Variants in TENM2 observed in about 807,000 individuals in gnomAD.
TENM2 encodes the protein teneurin-2.
A neutral mutation model predicts 245.2 loss-of-function variants in TENM2; 52 were observed. That is an observed-to-expected ratio of 0.21 (90% CI 0.17 to 0.27). TENM2 has a LOEUF of 0.27. Among genes scored for constraint, TENM2 ranks in the 10% least tolerant of loss-of-function variants. The pLI is 1.00. For synonymous variants in TENM2, 1,363 were observed against 1,438.9 expected, an observed-to-expected ratio of 0.95 and a Z score of 1.19; for missense variants, 3,046 against 3,666.8, an observed-to-expected ratio of 0.83 and a Z score of 4.37.
chr5:167,840,325 A>T (rs550734127), intron 2 of TENM2, among the ~76,000 whole-genome samples: 1 of 152,232 alleles, frequency 6.6e-6, no homozygotes, highest in Admixed American at 6.5e-5. Flanking sequence ...ATCCAACTCT[A>T]CAGTGTGACA....
intron 13 of TENM2, among the ~76,000 whole-genome samples, chr5:168,188,403 G>A (rs888698747): frequency 4.6e-5 from 7 of 152,088 alleles, no homozygotes; most frequent in African/African-American, 7.2e-5. Context: ...TATTCAATCC[G>A]CTCCCAGCCG....
chr5:167,997,129 C>T (rs1469287221), intron 5 of TENM2, among the ~76,000 whole-genome samples: 2 of 152,182 alleles, frequency 1.3e-5, no homozygotes, highest in Non-Finnish European at 2.9e-5. Flanking sequence ...CTGCATATTA[C>T]AATCATTTGA....
the TENM2 span, among the ~76,000 whole-genome samples, chr5:167,212,568 A>T: frequency 6.6e-6 from 1 of 152,220 alleles, no homozygotes; most frequent in East Asian, 1.9e-4. Flanking sequence ...GCAAAGTGGT[A>T]GCTGGCCTCT....
At chr5:167,545,017 C>T (rs1772462936) in intron 2 of TENM2, among the ~76,000 whole-genome samples, 1 of 152,032 alleles carries the variant, frequency 6.6e-6, no homozygotes, top group African/African-American at 2.4e-5. Context: ...TGACCCTTTT[C>T]AAGTCATTGA....
intron 1 of TENM2, among the ~76,000 whole-genome samples, chr5:167,354,928 C>T (rs573362413): frequency 6.6e-5 from 10 of 152,256 alleles, no homozygotes; most frequent in African/African-American, 2.4e-4. Context: ...CACATATTTG[C>T]CATTGAGTAC....
At chr5:167,828,362 C>G (rs1768166539) in intron 2 of TENM2, among the ~76,000 whole-genome samples, 1 of 152,152 alleles carries the variant, frequency 6.6e-6, no homozygotes, top group Non-Finnish European at 1.5e-5. Flanking sequence ...CCCAGTTGCT[C>G]TGTTTCAGGA....
At chr5:167,781,520 T>C (rs1206890964) in intron 2 of TENM2, among the ~76,000 whole-genome samples, 1 of 152,248 alleles carries the variant, frequency 6.6e-6, no homozygotes, top group East Asian at 1.9e-4. Context: ...CCTTTCTTAC[T>C]TACTGCCTCC....
At chr5:167,438,174 G>C (rs902153828) in intron 2 of TENM2, among the ~76,000 whole-genome samples, 3 of 152,108 alleles carry the variant, frequency 2.0e-5, no homozygotes, top group African/African-American at 7.2e-5. Context: ...GTTTCACCAG[G>C]AAGTCTATAC....
the TENM2 span, among the ~76,000 whole-genome samples, chr5:167,085,563 G>C: frequency 6.6e-6 from 1 of 152,118 alleles, no homozygotes; most frequent in African/African-American, 2.4e-5. Context: ...CTATGAGATA[G>C]ATGTTACGGC....
At chr5:167,617,661 C>G (rs1459066) in intron 2 of TENM2, among the ~76,000 whole-genome samples, 1 of 151,900 alleles carries the variant, frequency 6.6e-6, no homozygotes. Flanking sequence ...CTAATATCCC[C>G]TAGTAGAGGC....
chr5:167,737,513 A>T (rs1390449068), intron 2 of TENM2, among the ~76,000 whole-genome samples: 1 of 152,178 alleles, frequency 6.6e-6, no homozygotes, highest in Non-Finnish European at 1.5e-5. Context: ...AGTTGCAGGC[A>T]ATCTTCTCCT....
At chr5:167,625,706 A>C (rs2127779937) in intron 2 of TENM2, among the ~76,000 whole-genome samples, 1 of 152,338 alleles carries the variant, frequency 6.6e-6, no homozygotes, top group Admixed American at 6.5e-5. Context: ...CCTGTGGGTC[A>C]GAAATTTGGG....
intron 3 of TENM2, among the ~76,000 whole-genome samples, chr5:167,900,650 G>A (rs1392010482): frequency 6.6e-6 from 1 of 152,204 alleles, no homozygotes; most frequent in Non-Finnish European, 1.5e-5. Context: ...TGGAAGGACT[G>A]GAGGATTGGC....
intron 2 of TENM2, among the ~76,000 whole-genome samples, chr5:167,399,463 T>C (rs1425611943): frequency 1.3e-5 from 2 of 152,200 alleles, no homozygotes; most frequent in Non-Finnish European, 2.9e-5. Context: ...GAATATCTAC[T>C]ACATGCTGAG....
At chr5:167,379,354 A>T (rs1322084059) in intron 2 of TENM2, among the ~76,000 whole-genome samples, 1 of 152,176 alleles carries the variant, frequency 6.6e-6, no homozygotes, top group Non-Finnish European at 1.5e-5. Context: ...TAACTGAGAC[A>T]TGAGGAATGA....
At chr5:167,510,421 A>T (rs1273972983) in intron 2 of TENM2, among the ~76,000 whole-genome samples, 2 of 152,206 alleles carry the variant, frequency 1.3e-5, no homozygotes, top group Non-Finnish European at 2.9e-5. Flanking sequence ...CCATTTGTAG[A>T]GCTCACCTTA....
the TENM2 span, among the ~76,000 whole-genome samples, chr5:167,265,383 A>G: frequency 3.3e-5 from 5 of 150,554 alleles, no homozygotes. Flanking sequence ...TGGCCATTTT[A>G]AAGGGTTTGC....
At chr5:167,917,229 C>A (rs1020593658) in intron 3 of TENM2, among the ~76,000 whole-genome samples, 8 of 152,164 alleles carry the variant, frequency 5.3e-5, no homozygotes, top group Non-Finnish European at 1.0e-4. Context: ...AACAAGATGC[C>A]TGTGGATTCC....
At chr5:167,705,965 TTATATATATATA>T (rs368174120) in intron 2 of TENM2, among the ~76,000 whole-genome samples, 1 of 119,944 alleles carries the variant, frequency 8.3e-6, no homozygotes, top group African/African-American at 3.8e-5. Flanking sequence ...CAAGGCTGGG[TTATATATATATA>T]TATATATATA....
Sources: allele counts gnomAD v4.1 joint callset (sites outside exome capture counted in the v4.1 genomes callset), GRCh38; gene constraint gnomAD v4.1.1; transcripts MANE v1.5; gene names NCBI Gene and HGNC (gene_info 2026-07-23, HGNC 2026-07-21).